Variants in NID1 observed in about 807,000 individuals in gnomAD.
NID1 encodes nidogen-1.
NID1 carries 76 observed loss-of-function variants against 130.6 expected under a neutral mutation model. The ratio of observed to expected loss-of-function variants is 0.58; its 90% CI spans 0.48 to 0.70. The LOEUF is 0.70. NID1 is among the 30% of genes least tolerant of loss of function. The probability of loss-of-function intolerance (pLI) is 0.00; values close to 1 mark genes in which losing one functional copy is unlikely to be tolerated. For synonymous variants in NID1, 665 were observed against 675.1 expected, an observed-to-expected ratio of 0.98 and a Z score of 0.23; for missense variants, 1,517 against 1,664.8, an observed-to-expected ratio of 0.91 and a Z score of 1.54.
Position 236,011,965 on chromosome 1 carries a change from C to A in NID1, c.2483G>T (p.Cys828Phe). The change falls in exon 12 of 20, where the codon TGC becomes TTC. Residue 828 changes from cysteine (C) to phenylalanine (F), a missense_variant. Cys to Phe is a radical substitution (Grantham distance 205). Coordinates refer to ENST00000264187, the MANE Select transcript of NID1 (RefSeq NM_002508.3). Reference protein sequence around the residue: ...YNTPGSFTCQCKPGYQGDGFR... With the variant: ...YNTPGSFTCQFKPGYQGDGFR... ...GCCGTCTCCCTGATAACCAGGTTTG[C>A]ACTGGCACGTGAAAGAGCCTGGAGT... 6.2e-7 allele frequency: 1 copy of A among 1,614,224 alleles called. No individual in the cohort carries two copies. Among genetic ancestry groups the A allele is most frequent in the Non-Finnish European group, 8.5e-7 (1 of 1,180,040 alleles).
chr1:236,049,583 G>A (rs1659703623), intron 1 of NID1, among the ~76,000 whole-genome samples: 1 of 152,172 alleles, frequency 6.6e-6, no homozygotes, highest in Non-Finnish European at 1.5e-5. Flanking sequence ...ACAAAGAGAT[G>A]ATGACACAAT....
chr1:236,024,353 C>T, intron 8 of NID1, 140 bp from the exon 9 acceptor site: 1 of 977,470 alleles, frequency 1.0e-6, no homozygotes, highest in South Asian at 1.7e-5. Flanking sequence ...CCAGCCAATT[C>T]CTGTGTTGCC....
chr1:236,004,428 G>A (rs1658183903), intron 12 of NID1, among the ~76,000 whole-genome samples: 1 of 152,202 alleles, frequency 6.6e-6, no homozygotes, highest in Non-Finnish European at 1.5e-5. Context: ...GCAGGCCAAT[G>A]TAAAAACAGC....
chr1:235,997,600 A>C (rs922798826), intron 12 of NID1, among the ~76,000 whole-genome samples: 1 of 134,924 alleles, frequency 7.4e-6, no homozygotes, highest in African/African-American at 2.8e-5. Flanking sequence ...CAGTTCCATT[A>C]CTTTTTTTTT....
At chr1:236,016,272 C>T (rs1213051055) in intron 10 of NID1, among the ~76,000 whole-genome samples, 2 of 152,098 alleles carry the variant, frequency 1.3e-5, no homozygotes, top group Non-Finnish European at 1.5e-5. Context: ...ACTGCCTGTT[C>T]CCTCCCACCC....
chr1:235,985,192 CAA>C (rs35290130), intron 15 of NID1, among the ~76,000 whole-genome samples, 185 bp downstream of exon 15: 2 of 122,334 alleles, frequency 1.6e-5, no homozygotes, highest in South Asian at 2.5e-4. Flanking sequence ...GACTCTGTCT[CAA>C]AAAAAAAAAG....
chr1:236,026,012 G>A lies in NID1; in HGVS notation c.1868C>T (p.Ser623Phe), dbSNP rs138658985. The A allele has an allele frequency of 1.2e-6, 2 of 1,613,712 alleles. No homozygotes were observed. Among genetic ancestry groups the A allele is most frequent in the African/African-American group, 1.3e-5 (1 of 74,946 alleles). ...CTGGGTGCTGGGCAGGGCTGGCCGG[G>A]AGTCATCGTGGACGCATTCCTGGAA... is the stretch of plus-strand genomic sequence containing the variant. ...ITFQECVHDD[S>F]RPALPSTQQL... Residue 623 changes from serine to phenylalanine, a missense_variant, in exon 8 of 20, where the codon TCC becomes TTC. Transcript: ENST00000264187.
intron 4 of NID1, among the ~76,000 whole-genome samples, chr1:236,039,413 C>T (rs1475804792): frequency 6.6e-6 from 1 of 151,790 alleles, no homozygotes; most frequent in African/African-American, 2.4e-5. Context: ...CCTCCCACCC[C>T]ACCCCAACAT....
intron 1 of NID1, among the ~76,000 whole-genome samples, chr1:236,060,069 C>T (rs1659997928): frequency 7.1e-6 from 1 of 140,928 alleles, no homozygotes; most frequent in Admixed American, 7.5e-5. Context: ...CACTGCACTC[C>T]AGCCTGGTGA....
chr1:235,984,915 C>T (rs371081421), intron 15 of NID1, among the ~76,000 whole-genome samples: 20 of 152,178 alleles, frequency 1.3e-4, no homozygotes, highest in African/African-American at 4.6e-4. Flanking sequence ...GCCTGCCGGG[C>T]GCCGTGGCTC....
chr1:235,994,453 C>A (rs933119185), intron 12 of NID1, among the ~76,000 whole-genome samples: 2 of 152,238 alleles, frequency 1.3e-5, no homozygotes, highest in African/African-American at 4.8e-5. Flanking sequence ...TGAGCCACTG[C>A]GCCCTGCCAA....
chr1:236,062,521 C>G (rs1475585509), intron 1 of NID1, among the ~76,000 whole-genome samples: 1 of 151,342 alleles, frequency 6.6e-6, no homozygotes, highest in East Asian at 1.9e-4. Flanking sequence ...GTAATCCCAG[C>G]TACTCGGGAG....
chr1:236,016,454 T>G (rs1381242609), intron 10 of NID1, among the ~76,000 whole-genome samples: 1 of 152,192 alleles, frequency 6.6e-6, no homozygotes, highest in East Asian at 1.9e-4. Flanking sequence ...TGAGTTCAGA[T>G]GCGCATTTGA....
intron 14 of NID1, among the ~76,000 whole-genome samples, chr1:235,985,754 GTA>G (rs143128887): frequency 2.7e-5 from 4 of 149,248 alleles, no homozygotes; most frequent in South Asian, 2.1e-4. Context: ...GTGTGTGTGT[GTA>G]TATATATGCA....
chr1:236,029,881 G>T, intron 6 of NID1, 131 bp from the exon 7 acceptor site: 1 of 787,122 alleles, frequency 1.3e-6, no homozygotes, highest in Non-Finnish European at 2.1e-6. Flanking sequence ...GTAGAACATA[G>T]AACTGGTGAC....
Position 236,048,676 on chromosome 1 carries a change from G to A in NID1, c.525+14C>T. On this transcript the variant is annotated intron_variant, in intron 2 of 19. Coordinates refer to ENST00000264187, the MANE Select transcript of NID1 (RefSeq NM_002508.3). ...TGTCTGATTACCTGCACTTGGACCT[G>A]GAGGGGAGCTTACCTTGCCTTTCTG... 1 of 1,605,220 alleles carries A rather than the reference G, an allele frequency of 6.2e-7. No homozygotes were observed. The highest frequency in any genetic ancestry group is 8.5e-7 in the Non-Finnish European group (1 of 1,178,338).
intron 12 of NID1, among the ~76,000 whole-genome samples, chr1:235,997,813 G>T (rs1362500460): frequency 6.6e-6 from 1 of 151,848 alleles, no homozygotes; most frequent in Non-Finnish European, 1.5e-5. Flanking sequence ...TCACTATGTT[G>T]GCCAGGCTGG....
At position 236,024,142 on chromosome 1, in the gene NID1, G is replaced by A. The variant is rs776945421; in HGVS notation, c.2056C>T (p.Arg686Cys). The A allele has an allele frequency of 4.2e-5, 67 of 1,614,120 alleles. No homozygotes were observed. The highest frequency in any genetic ancestry group is 5.3e-5 in the Non-Finnish European group (63 of 1,180,046). The change falls in exon 9 of 20, where the codon CGC (arginine) becomes TGC (cysteine). Residue 686 changes from arginine (R) to cysteine (C), a missense_variant. Physicochemically the swap from Arg to Cys is radical, Grantham distance 180 (BLOSUM62 -3). Around this residue, in one of 3 missense-constraint regions of NID1, gnomAD observed 1,329 missense variants for 1,429.2 expected, o/e 0.93. Coordinates refer to ENST00000264187, the MANE Select transcript of NID1 (RefSeq NM_002508.3). ...GTGAACTGTGTCCTGGGACCAGGGC[G>A]ACAGGCCGCGTTGGTGTCACACCCA... The part of the protein sequence containing the change: ...THGCDTNAAC[R>C]PGPRTQFTCE...
At chr1:236,021,393 T>C (rs1658758669) in intron 9 of NID1, among the ~76,000 whole-genome samples, 1 of 152,148 alleles carries the variant, frequency 6.6e-6, no homozygotes, top group African/African-American at 2.4e-5. Context: ...TGGCCAAACA[T>C]ACAGCCTGCA....
Sources: gnomAD v4.1 joint callset for allele counts (sites outside exome capture counted in the v4.1 genomes callset) on GRCh38, gnomAD v4.1.1 for gene constraint, gnomAD v4.1.1 regional missense constraint, MANE v1.5 for transcripts, NCBI Gene and HGNC (gene_info 2026-07-23, HGNC 2026-07-21) for gene names.